Variants in DLG2 observed in about 807,000 individuals in gnomAD.
DLG2 encodes discs large MAGUK scaffold protein 2.
Under a neutral mutation model 132.5 loss-of-function variants are expected in DLG2, and 45 were observed. That is an observed-to-expected ratio of 0.34 (90% confidence interval 0.27 to 0.44). DLG2 has a LOEUF of 0.44. Ranked by LOEUF, DLG2 falls within the 20% of genes least tolerant of loss-of-function variation. The pLI is 1.00. For synonymous variants in DLG2, 424 were observed against 419.6 expected (o/e 1.01, Z -0.13); for missense variants, 1,045 against 1,196.9 (o/e 0.87, Z 1.87).
chr11:84,671,050 CCTTGTCACCCT>C (rs2099705322), intron 6 of DLG2, among the ~76,000 whole-genome samples: 1 of 151,972 alleles, frequency 6.6e-6, no homozygotes, highest in African/African-American at 2.4e-5. Flanking sequence ...CATCCGGCAG[CCTTGTCACCCT>C]CTTTCCACAC....
Position 85,154,666 on chromosome 11 carries a change from T to TA in DLG2, c.187-16dup, listed in dbSNP as rs1212531456. On this transcript the variant is annotated splice_polypyrimidine_tract_variant and intron_variant, in intron 4 of 27. Transcript: ENST00000376104. ...CAATCTGTAAGCTAAAATAAAAGTTTAAAAAATCAATACTCCTTTTTTATT... is the reference window on the plus strand; with the variant it reads ...CAATCTGTAAGCTAAAATAAAAGTTTAAAAAAATCAATACTCCTTTTTTATT... The TA allele has an allele frequency of 8.5e-6, 11 of 1,288,592 alleles. No individual in the cohort carries two copies. Among genetic ancestry groups the TA allele is most frequent in the Non-Finnish European group, 9.8e-6 (9 of 920,046 alleles). 79.8% of individuals were successfully genotyped at this position (1,288,592 alleles called of 1,614,324 possible).
At chr11:84,972,385 A>C (rs2154115136) in intron 6 of DLG2, among the ~76,000 whole-genome samples, 1 of 152,352 alleles carries the variant, frequency 6.6e-6, no homozygotes, top group African/African-American at 2.4e-5. Context: ...AGTTGAGCTA[A>C]AACAGCAATA....
At chr11:83,634,837 G>A (rs1013996193) in intron 18 of DLG2, among the ~76,000 whole-genome samples, 3 of 152,116 alleles carry the variant, frequency 2.0e-5, no homozygotes, top group Non-Finnish European at 2.9e-5. Context: ...TTAAAGTTTA[G>A]TACACAACAG....
Position 84,159,631 on chromosome 11 carries a change from T to C in DLG2, c.624+3830A>G, listed in dbSNP as rs138931631. Among the ~76,000 whole-genome samples, 847 of 152,272 alleles carry C rather than the reference T, an allele frequency of 5.6e-3. 4 individuals are homozygous for C. Among genetic ancestry groups the C allele is most frequent in the Non-Finnish European group, 8.2e-3 (560 of 68,004 alleles). ...ACATTACAGAAGGCCTTGTATGTAA[T>C]GATAATGAAGTTAATTATCACCTTT... On this transcript the variant is annotated intron_variant, in intron 9 of 27. Coordinates refer to ENST00000376104, the MANE Select transcript of DLG2 (RefSeq NM_001142699.3).
At chr11:84,267,319 C>T (rs2097652803) in intron 7 of DLG2, among the ~76,000 whole-genome samples, 1 of 152,170 alleles carries the variant, frequency 6.6e-6, no homozygotes, top group African/African-American at 2.4e-5. Context: ...AGGGAAAAGG[C>T]ATGTCTTCTG....
intron 18 of DLG2, among the ~76,000 whole-genome samples, chr11:83,644,587 T>C (rs2067568662): frequency 6.6e-6 from 1 of 152,094 alleles, no homozygotes; most frequent in Non-Finnish European, 1.5e-5. Context: ...GTATTTTGTG[T>C]TATGCAGCCA....
chr11:85,042,740 T>C (rs2061986151), intron 6 of DLG2, among the ~76,000 whole-genome samples: 1 of 151,944 alleles, frequency 6.6e-6, no homozygotes, highest in Non-Finnish European at 1.5e-5. Flanking sequence ...TATATTTAAA[T>C]ACCTTTCTGT....
chr11:85,526,658 A>C (rs1350164318), intron 3 of DLG2, among the ~76,000 whole-genome samples: 2 of 152,186 alleles, frequency 1.3e-5, no homozygotes, highest in Non-Finnish European at 2.9e-5. Flanking sequence ...TACTGTGCTA[A>C]GGGAAACTCT....
At chr11:84,882,504 A>G (rs1479385043) in intron 6 of DLG2, among the ~76,000 whole-genome samples, 1 of 152,020 alleles carries the variant, frequency 6.6e-6, no homozygotes, top group Non-Finnish European at 1.5e-5. Flanking sequence ...CATTTGCAAA[A>G]TGTAGTAGGA....
chr11:85,346,060 G>T (rs2082819249), intron 3 of DLG2, among the ~76,000 whole-genome samples: 1 of 152,048 alleles, frequency 6.6e-6, no homozygotes, highest in Non-Finnish European at 1.5e-5. Context: ...TGAAAGAACA[G>T]CTACTCCATA....
At position 85,395,865 on chromosome 11, in the gene DLG2, T is replaced by C. The variant is rs546999876; in HGVS notation, c.41-110500A>G. 3.9e-5 allele frequency among the ~76,000 whole-genome samples: 6 copies of C among 152,342 alleles called. No individual in the cohort carries two copies. In the South Asian group the frequency reaches 1.2e-3, roughly 32 times the overall value. On this transcript the variant is annotated intron_variant, in intron 3 of 27. Transcript: ENST00000376104. ...ATCTGAACAAAAGGCAGCAGACAGC[T>C]TCTGCAGATTTAAACATCCCTGTCT...
chr11:84,506,079 C>CTTTTTTTTTTTTTT lies in DLG2; in HGVS notation c.519+28477_519+28490dup, dbSNP rs779039240. 5.7e-4 allele frequency among the ~76,000 whole-genome samples: 61 copies of CTTTTTTTTTTTTTT among 107,016 alleles called. 14 individuals are homozygous for CTTTTTTTTTTTTTT. The highest frequency in any genetic ancestry group is 1.3e-3 in the South Asian group (4 of 3,160). 70.2% of individuals were successfully genotyped at this position (107,016 alleles called of 152,430 possible). On this transcript the variant is annotated intron_variant, in intron 7 of 27. Transcript: ENST00000376104. ...CTAATGTTATGACAGAGGCTCAGTTCTTTTTTTTTTTTTTGAGACGGAGTC... is the reference window on the plus strand; with the variant it reads ...CTAATGTTATGACAGAGGCTCAGTTCTTTTTTTTTTTTTTTTTTTTTTTTTTTTGAGACGGAGTC...
chr11:84,863,212 C>T (rs185727741), intron 6 of DLG2, among the ~76,000 whole-genome samples: 1 of 152,026 alleles, frequency 6.6e-6, no homozygotes. Flanking sequence ...TAAAAGCCTG[C>T]AGTCTAATGG....
chr11:83,927,689 C>A (rs574243254), intron 15 of DLG2, among the ~76,000 whole-genome samples: 24 of 152,200 alleles, frequency 1.6e-4, no homozygotes, highest in Non-Finnish European at 2.4e-4. Context: ...GAGATCTGAT[C>A]TGTATTTTTT....
chr11:83,990,136 G>A (rs971692673), intron 11 of DLG2, among the ~76,000 whole-genome samples: 1 of 152,076 alleles, frequency 6.6e-6, no homozygotes, highest in East Asian at 1.9e-4. Context: ...AAAAATGTAA[G>A]TAATCATTTC....
chr11:83,933,010 A>C (rs1440985286), intron 14 of DLG2, among the ~76,000 whole-genome samples: 1 of 152,156 alleles, frequency 6.6e-6, no homozygotes, highest in African/African-American at 2.4e-5. Flanking sequence ...CTCCTCACAG[A>C]CTTCTCGGCC....
intron 6 of DLG2, among the ~76,000 whole-genome samples, chr11:84,725,360 C>G (rs2062313634): frequency 6.6e-6 from 1 of 152,080 alleles, no homozygotes; most frequent in African/African-American, 2.4e-5. Context: ...AAGGTTTTGG[C>G]ATTATTAGCT....
chr11:84,766,062 T>C (rs1312188693), intron 6 of DLG2, among the ~76,000 whole-genome samples: 3 of 151,986 alleles, frequency 2.0e-5, no homozygotes, highest in South Asian at 2.1e-4. Flanking sequence ...TTTAATGAAG[T>C]GCAATACTCC....
At chr11:83,983,339 C>T (rs1172631515) in intron 11 of DLG2, among the ~76,000 whole-genome samples, 2 of 151,970 alleles carry the variant, frequency 1.3e-5, no homozygotes, top group African/African-American at 4.8e-5. Flanking sequence ...CTATAGCTTA[C>T]TTGGCTTAAG....
Sources: gnomAD v4.1 joint callset for allele counts (sites outside exome capture counted in the v4.1 genomes callset) on GRCh38, gnomAD v4.1.1 for gene constraint, MANE v1.5 for transcripts, NCBI Gene and HGNC (gene_info 2026-07-23, HGNC 2026-07-21) for gene names.